CEP128: variants seen among roughly 807,000 people sequenced by gnomAD.
The protein encoded by CEP128 is centrosomal protein 128kDa.
A neutral mutation model predicts 156.7 loss-of-function variants in CEP128; 132 were observed. The ratio of observed to expected loss-of-function variants is 0.84; its 90% CI spans 0.73 to 0.97. The LOEUF is 0.97. CEP128 is among the 50% of genes least tolerant of loss of function. The pLI is 0.00. For missense variants in CEP128, 1,252 were observed against 1,281.9 expected, an observed-to-expected ratio of 0.98 and a Z score of 0.36; for synonymous variants, 469 against 448.9, an observed-to-expected ratio of 1.04 and a Z score of -0.57.
chr14:80,819,200 T>C (rs1885028387), intron 13 of CEP128, among the ~76,000 whole-genome samples: 1 of 150,566 alleles, frequency 6.6e-6, no homozygotes, highest in Non-Finnish European at 1.5e-5. Context: ...TATATCCCCA[T>C]ATGGAGGAAA....
chr14:80,744,931 A>C (rs892733016), intron 18 of CEP128, among the ~76,000 whole-genome samples: 2 of 152,218 alleles, frequency 1.3e-5, no homozygotes, highest in Admixed American at 6.5e-5. Flanking sequence ...AGCCGTATTT[A>C]TGAATATGCC....
chr14:80,839,856 G>A (rs1886267593), intron 10 of CEP128, among the ~76,000 whole-genome samples: 1 of 152,060 alleles, frequency 6.6e-6, no homozygotes, highest in South Asian at 2.1e-4. Flanking sequence ...CAGTCTCTAT[G>A]GAGAAATAGA....
At chr14:80,655,836 TC>T (rs1566837315) in intron 19 of CEP128, among the ~76,000 whole-genome samples, 1 of 152,194 alleles carries the variant, frequency 6.6e-6, no homozygotes, top group East Asian at 1.9e-4. Flanking sequence ...TTTAAAAACC[TC>T]TGCTGGCCTT....
At chr14:80,486,276 A>C (rs1157957616), downstream of CEP128, among the ~76,000 whole-genome samples, 1 of 152,208 alleles carries the variant, frequency 6.6e-6, no homozygotes, top group African/African-American at 2.4e-5. Context: ...TCAGTGATGG[A>C]AGATGAAATG....
intron 9 of CEP128, among the ~76,000 whole-genome samples, chr14:80,841,902 A>G (rs1319525410): frequency 6.6e-6 from 1 of 152,022 alleles, no homozygotes; most frequent in African/African-American, 2.4e-5. Context: ...AATAAAATGC[A>G]ACTATTATTA....
intron 12 of CEP128, among the ~76,000 whole-genome samples, chr14:80,832,921 A>T (rs908650585): frequency 3.9e-5 from 6 of 152,302 alleles, no homozygotes; most frequent in African/African-American, 1.4e-4. Flanking sequence ...TCAGATAATA[A>T]ATATCTTAGC....
At chr14:80,833,932 G>T (rs889835776) in intron 12 of CEP128, among the ~76,000 whole-genome samples, 7 of 152,138 alleles carry the variant, frequency 4.6e-5, no homozygotes, top group Non-Finnish European at 7.4e-5. Flanking sequence ...CTGGATGGAG[G>T]ATGATGCCAC....
intron 19 of CEP128, among the ~76,000 whole-genome samples, chr14:80,710,413 C>A (rs1008065755): frequency 1.3e-5 from 2 of 152,066 alleles, no homozygotes; most frequent in African/African-American, 4.8e-5. Flanking sequence ...TTGGTGTCAA[C>A]TGAATTCATA....
intron 21 of CEP128, among the ~76,000 whole-genome samples, chr14:80,542,567 G>C (rs994402915): frequency 3.9e-5 from 6 of 152,198 alleles, no homozygotes; most frequent in Admixed American, 3.3e-4. Flanking sequence ...TGAGAACCAA[G>C]TCTTCTGTGG....
chr14:80,797,833 T>C (rs555804878), intron 13 of CEP128, among the ~76,000 whole-genome samples: 3 of 152,308 alleles, frequency 2.0e-5, no homozygotes, highest in Non-Finnish European at 2.9e-5. Context: ...AAGTAATAAA[T>C]ATTATTTTCC....
intron 19 of CEP128, among the ~76,000 whole-genome samples, chr14:80,608,243 T>G (rs1045848852): frequency 6.6e-6 from 1 of 152,224 alleles, no homozygotes; most frequent in Non-Finnish European, 1.5e-5. Flanking sequence ...TTTAATTGTT[T>G]TGTCTTTTCG....
intron 9 of CEP128, among the ~76,000 whole-genome samples, chr14:80,851,409 C>A (rs1886881709): frequency 6.6e-6 from 1 of 152,016 alleles, no homozygotes; most frequent in Non-Finnish European, 1.5e-5. Flanking sequence ...AAAGAGGTCA[C>A]AATTGAGCCT....
intron 20 of CEP128, among the ~76,000 whole-genome samples, chr14:80,573,661 T>C (rs1268770364): frequency 2.0e-5 from 3 of 152,308 alleles, no homozygotes; most frequent in Middle Eastern, 3.4e-3. Flanking sequence ...GGGTCCCTGC[T>C]CTCATGAGGT....
intron 19 of CEP128, among the ~76,000 whole-genome samples, chr14:80,655,115 C>A (rs1340212405): frequency 2.0e-5 from 3 of 152,154 alleles, no homozygotes; most frequent in Admixed American, 2.0e-4. Context: ...GTTTCTACCC[C>A]TCTTTAAGCT....
At chr14:80,739,386 C>T (rs373792710) in intron 19 of CEP128, among the ~76,000 whole-genome samples, 24 of 152,154 alleles carry the variant, frequency 1.6e-4, no homozygotes, top group African/African-American at 5.1e-4. Flanking sequence ...AACTCTTTTG[C>T]CCTTGTTCTT....
chr14:80,488,520 T>C (rs1887222039), downstream of CEP128, among the ~76,000 whole-genome samples: 1 of 151,408 alleles, frequency 6.6e-6, no homozygotes, highest in Admixed American at 6.6e-5. Flanking sequence ...ATAGGAACAC[T>C]TTTACACTGT....
At chr14:80,756,496 GC>G (rs1566896625) in intron 18 of CEP128, among the ~76,000 whole-genome samples, 1 of 151,972 alleles carries the variant, frequency 6.6e-6, no homozygotes, top group African/African-American at 2.4e-5. Context: ...ACATATTTTT[GC>G]AAGGCCAAGT....
At chr14:80,870,027 C>T (rs181340374) in intron 8 of CEP128, among the ~76,000 whole-genome samples, 66 of 152,092 alleles carry the variant, frequency 4.3e-4, no homozygotes, top group Non-Finnish European at 7.2e-4. Context: ...TAAAAACCTA[C>T]AACTTACCAA....
At position 80,544,864 on chromosome 14, in the gene CEP128, A is replaced by C. The variant is rs140399922; in HGVS notation, c.2881-13978T>G. On this transcript the variant is annotated intron_variant, in intron 21 of 24. Coordinates refer to ENST00000555265, the MANE Select transcript of CEP128 (RefSeq NM_152446.5). ...AAGATCTATTATGTATCTGCAAGAC[A>C]GAATGGGACTTACTATGTTTTAAAA... 5.2e-3 allele frequency among the ~76,000 whole-genome samples: 792 copies of C among 152,338 alleles called. 6 individuals carry two copies. The highest frequency in any genetic ancestry group is 0.018 in the African/African-American group (758 of 41,586).
Sources: gnomAD v4.1 joint callset for allele counts (sites outside exome capture counted in the v4.1 genomes callset) on GRCh38, gnomAD v4.1.1 for gene constraint, MANE v1.5 for transcripts, NCBI Gene and HGNC (gene_info 2026-07-23, HGNC 2026-07-21) for gene names.